RARS2: variants seen among roughly 807,000 people sequenced by gnomAD.
RARS2 encodes the protein arginyl-tRNA synthetase 2, mitochondrial.
A neutral mutation model predicts 88.5 loss-of-function variants in RARS2; 67 were observed. The ratio of observed to expected loss-of-function variants is 0.76; its 90% CI spans 0.62 to 0.93. RARS2 has a LOEUF of 0.93. Ranked by LOEUF, RARS2 falls within the 40% of genes least tolerant of loss-of-function variation. The pLI, the probability that RARS2 is intolerant of heterozygous loss-of-function variation, is 0.00. For synonymous variants in RARS2, 239 were observed against 230.3 expected, an observed-to-expected ratio of 1.04 and a Z score of -0.34; for missense variants, 664 against 684.2, an observed-to-expected ratio of 0.97 and a Z score of 0.33.
Position 87,542,009 on chromosome 6 carries a change from C to A in RARS2, c.536-15G>T. 1 of 1,602,512 alleles carries A rather than the reference C, an allele frequency of 6.2e-7. No individual in the cohort carries two copies. The highest frequency in any genetic ancestry group is 8.5e-7 in the Non-Finnish European group (1 of 1,170,294). On this transcript the variant is annotated splice_polypyrimidine_tract_variant and intron_variant, in intron 7 of 19. Coordinates refer to ENST00000369536, the MANE Select transcript of RARS2 (RefSeq NM_020320.5). ...TCCCAGAAGACCTACCATGATAATCCGTAAATGAAAAATTATAAAGTTGAA... is the reference window on the plus strand; with the variant it reads ...TCCCAGAAGACCTACCATGATAATCAGTAAATGAAAAATTATAAAGTTGAA...
At chr6:87,556,616 C>G (rs1785985021) in intron 4 of RARS2, among the ~76,000 whole-genome samples, 1 of 151,680 alleles carries the variant, frequency 6.6e-6, no homozygotes, top group African/African-American at 2.4e-5. Flanking sequence ...GAAACCCCAT[C>G]TCTACTAAAA....
intron 1 of RARS2, among the ~76,000 whole-genome samples, chr6:87,579,369 T>C (rs1373980108): frequency 6.6e-6 from 1 of 152,204 alleles, no homozygotes; most frequent in African/African-American, 2.4e-5. Context: ...GAGACCACTG[T>C]ACTACACCTT....
rs1229992475 is a variant in RARS2, at chr6:87,528,034, T to G, written c.878+1508A>C. 2.1e-5 allele frequency among the ~76,000 whole-genome samples: 3 copies of G among 144,756 alleles called. No homozygotes were observed. The Admixed American group carries it at 2.1e-4, about 10-fold the overall frequency. 95.0% of individuals were successfully genotyped at this position (144,756 alleles called of 152,430 possible). A position where few individuals can be genotyped will look rare whatever the true frequency, so the allele number is the denominator to read the frequency against. On this transcript the variant is annotated intron_variant, in intron 10 of 19. Transcript: ENST00000369536. Reference sequence around the variant, plus strand: ...CACACATTAACCTACGTAACAAATCTGCACATCCTGTACATTTGCCTGGGA... The same window carrying G: ...CACACATTAACCTACGTAACAAATCGGCACATCCTGTACATTTGCCTGGGA...
intron 2 of RARS2, among the ~76,000 whole-genome samples, chr6:87,568,667 G>A (rs553944361): frequency 3.9e-5 from 6 of 152,264 alleles, no homozygotes; most frequent in South Asian, 4.1e-4. Context: ...ATAAAAAGCC[G>A]CAGTGGGCCA....
rs764410610 is a variant in RARS2 at position 87,514,926 on chromosome 6, G to T, written c.1650+31C>A. 70 of 1,547,730 alleles carry T rather than the reference G, an allele frequency of 4.5e-5. No homozygotes were observed. The South Asian group carries it at 7.4e-4, about 16-fold the overall frequency. The stretch of plus-strand genomic sequence containing the variant: ...AGTAATATTAGTCTCAGGAGCTAGG[G>T]ATTATACAGAAAACATTCAACATAA... On this transcript the variant is annotated intron_variant, in intron 19 of 19. Coordinates refer to ENST00000369536, the MANE Select transcript of RARS2 (RefSeq NM_020320.5).
chr6:87,540,919 T>C (rs984800161), intron 8 of RARS2, among the ~76,000 whole-genome samples: 3 of 151,758 alleles, frequency 2.0e-5, no homozygotes, highest in Non-Finnish European at 2.9e-5. Context: ...CAGAGAGAAA[T>C]AGACATGCTG....
chr6:87,536,654 A>AG (rs1450760753), intron 8 of RARS2, among the ~76,000 whole-genome samples: 4 of 151,948 alleles, frequency 2.6e-5, no homozygotes, highest in African/African-American at 4.8e-5. Context: ...AAAAAAAGAA[A>AG]GAAAAAAAAA....
intron 7 of RARS2, among the ~76,000 whole-genome samples, chr6:87,542,980 A>G (rs1199680989): frequency 6.6e-6 from 1 of 151,280 alleles, no homozygotes; most frequent in Non-Finnish European, 1.5e-5. Context: ...AAAAAAAAAA[A>G]AGAGGAACAT....
chr6:87,521,533 A>C lies in RARS2; in HGVS notation c.975-9T>G. On this transcript the variant is annotated splice_polypyrimidine_tract_variant and intron_variant, in intron 11 of 19. Transcript: ENST00000369536. ...TAGCAGCTGCAAGATCTCTGAAACA[A>C]AGTGGCCATAAACCAAGAGTTACTA... is the stretch of plus-strand genomic sequence containing the variant. 6.2e-7 allele frequency: 1 copy of C among 1,610,660 alleles called. No individual in the cohort carries two copies. Among genetic ancestry groups the C allele is most frequent in the South Asian group, 1.1e-5 (1 of 90,980 alleles).
At chr6:87,521,337 C>T (rs1354012609) in intron 12 of RARS2, 127 bp downstream of exon 12, 10 of 703,714 alleles carry the variant, frequency 1.4e-5, no homozygotes, top group East Asian at 5.5e-5. Flanking sequence ...AGAAGTTGCC[C>T]ACTTTAAACA....
At chr6:87,516,908 GAA>G in intron 17 of RARS2, 28 bp from the exon 18 acceptor site, 3 of 1,612,582 alleles carry the variant, frequency 1.9e-6, no homozygotes, top group Non-Finnish European at 2.5e-6. Context: ...CAGTGAACAG[GAA>G]AAGACTGTAC....
At chr6:87,524,451 T>C in intron 11 of RARS2, 106 bp downstream of exon 11, 2 of 903,034 alleles carry the variant, frequency 2.2e-6, no homozygotes, top group South Asian at 2.7e-5. Flanking sequence ...TATAGAATAA[T>C]GTCATCAGCT....
chr6:87,551,719 A>C (rs761667048), intron 5 of RARS2, among the ~76,000 whole-genome samples: 3 of 151,376 alleles, frequency 2.0e-5, no homozygotes, highest in Non-Finnish European at 4.4e-5. Flanking sequence ...TGAGCCAGTT[A>C]CTAACAGTCA....
At chr6:87,518,563 T>C (rs2128000044) in intron 16 of RARS2, 67 bp downstream of exon 16, 1 of 1,490,764 alleles carries the variant, frequency 6.7e-7, no homozygotes, top group Non-Finnish European at 9.3e-7. Context: ...CCTCTGGTCT[T>C]AGAATCACAG....
intron 18 of RARS2, chr6:87,515,936 C>T (rs891869179): frequency 2.9e-5 from 4 of 137,146 alleles, no homozygotes; most frequent in Admixed American, 8.0e-5. Context: ...GACAACAGAG[C>T]GAGACACCAT....
intron 1 of RARS2, among the ~76,000 whole-genome samples, chr6:87,588,062 C>T (rs1182647138): frequency 6.6e-6 from 1 of 152,184 alleles, no homozygotes; most frequent in Non-Finnish European, 1.5e-5. Flanking sequence ...GTGTGAGCCA[C>T]CATGCCTGGT....
chr6:87,521,583 T>A, intron 11 of RARS2, 59 bp from the exon 12 acceptor site: 1 of 1,335,758 alleles, frequency 7.5e-7, no homozygotes, highest in Non-Finnish European at 1.1e-6. Flanking sequence ...ATAATTGGTC[T>A]TACCTATTTA....
chr6:87,585,682 A>G (rs1206086313), intron 1 of RARS2, among the ~76,000 whole-genome samples: 1 of 152,196 alleles, frequency 6.6e-6, no homozygotes. Context: ...CAGTGAGCAG[A>G]GATCACGCCA....
rs986275135 is a variant in RARS2 at position 87,531,887 on chromosome 6, A to G, written c.613-945T>C. Among the ~76,000 whole-genome samples, 5 of 152,360 alleles carry G rather than the reference A, an allele frequency of 3.3e-5. No homozygotes were observed. The East Asian group carries it at 7.7e-4, about 23-fold the overall frequency. On this transcript the variant is annotated intron_variant, in intron 8 of 19. Transcript: ENST00000369536. ...AACTCACCTGCAGGTTGAAACATCA[A>G]TGATAACTTTACTATATTATTTCCA...
Sources: allele counts gnomAD v4.1 joint callset (sites outside exome capture counted in the v4.1 genomes callset), GRCh38; gene constraint gnomAD v4.1.1; transcripts MANE v1.5; gene names NCBI Gene and HGNC (gene_info 2026-07-23, HGNC 2026-07-21).